MYRIP: variants seen among roughly 807,000 people sequenced by gnomAD.
MYRIP encodes myosin VIIA and Rab interacting protein.
A neutral mutation model predicts 98.0 loss-of-function variants in MYRIP; 49 were observed. That is an observed-to-expected ratio of 0.50 (90% CI 0.40 to 0.63). The LOEUF (loss-of-function observed/expected upper bound fraction) is 0.63, where lower values mean the gene tolerates loss of function less well. Ranked by LOEUF, MYRIP falls within the 30% of genes least tolerant of loss-of-function variation. MYRIP has a pLI of 0.00. For missense variants in MYRIP, 1,004 were observed against 1,058.2 expected (o/e 0.95, Z 0.71); for synonymous variants, 404 against 409.5 (o/e 0.99, Z 0.16).
chr3:40,102,188 C>T (rs1029703844), intron 3 of MYRIP, among the ~76,000 whole-genome samples: 1 of 152,190 alleles, frequency 6.6e-6, no homozygotes, highest in Non-Finnish European at 1.5e-5. Context: ...CAGAGTCCCT[C>T]TATGCTAACC....
intron 10 of MYRIP, 112 bp from the exon 11 acceptor site, chr3:40,209,742 A>T (rs955751879): frequency 2.1e-6 from 3 of 1,400,658 alleles, no homozygotes; most frequent in Non-Finnish European, 2.9e-6. Context: ...GAAAGCTGTT[A>T]CTTTCCTAGA....
At chr3:40,119,739 AG>A (rs199905531) in intron 3 of MYRIP, among the ~76,000 whole-genome samples, 3,880 of 152,058 alleles carry the variant, frequency 0.026, 174 homozygotes, top group African/African-American at 0.086. Context: ...GGACACAGGA[AG>A]GGGAACATCA....
At chr3:39,988,164 G>A (rs149913783) in intron 2 of MYRIP, among the ~76,000 whole-genome samples, 184 of 152,174 alleles carry the variant, frequency 1.2e-3, no homozygotes, top group Non-Finnish European at 2.1e-3. Flanking sequence ...CTGTTGTGGG[G>A]TGGGGGAAGG....
intron 3 of MYRIP, among the ~76,000 whole-genome samples, chr3:40,118,092 A>G (rs527786485): frequency 6.6e-6 from 1 of 152,254 alleles, no homozygotes; most frequent in Non-Finnish European, 1.5e-5. Flanking sequence ...AATGCAACAC[A>G]AATGGCTCTT....
chr3:40,170,115 G>A (rs761973506), intron 8 of MYRIP, 22 bp downstream of exon 8: 7 of 1,613,050 alleles, frequency 4.3e-6, no homozygotes, highest in East Asian at 2.2e-5. Context: ...AGCAGTGCTG[G>A]TCTACCCTCC....
intron 3 of MYRIP, among the ~76,000 whole-genome samples, chr3:40,143,274 A>C (rs1329460840): frequency 6.6e-6 from 1 of 152,196 alleles, no homozygotes; most frequent in Non-Finnish European, 1.5e-5. Context: ...CCTGTCCTCT[A>C]TTTCAGCAGG....
intron 1 of MYRIP, among the ~76,000 whole-genome samples, 187 bp downstream of exon 1, chr3:39,810,103 G>A (rs1299419586): frequency 9.9e-5 from 15 of 152,218 alleles, no homozygotes; most frequent in Non-Finnish European, 2.1e-4. Context: ...GAGGGGCGAG[G>A]GGCGCGGGTA....
At chr3:40,245,913 A>ATTTTTTT (rs55637614) in intron 13 of MYRIP, among the ~76,000 whole-genome samples, 3 of 115,634 alleles carry the variant, frequency 2.6e-5, no homozygotes, top group African/African-American at 3.5e-5. Flanking sequence ...CACCCAGCTA[A>ATTTTTTT]TTTTTTTTTT....
chr3:40,078,014 C>T (rs1188126765), intron 3 of MYRIP, among the ~76,000 whole-genome samples: 1 of 152,240 alleles, frequency 6.6e-6, no homozygotes, highest in Non-Finnish European at 1.5e-5. Context: ...CACACAGGAG[C>T]CCATGGAGAG....
chr3:40,166,758 C>A (rs1328674597), intron 5 of MYRIP, 88 bp from the exon 6 acceptor site: 2 of 901,502 alleles, frequency 2.2e-6, no homozygotes, highest in South Asian at 1.5e-5. Flanking sequence ...ATCCCAGAGC[C>A]CCTGAAGAAT....
chr3:40,232,255 C>T (rs1952684034), intron 11 of MYRIP, among the ~76,000 whole-genome samples: 2 of 152,142 alleles, frequency 1.3e-5, no homozygotes, highest in South Asian at 4.1e-4. Flanking sequence ...AAGGAGGAGC[C>T]CTCTGGCACA....
chr3:40,011,807 T>A (rs1341715850), intron 2 of MYRIP, among the ~76,000 whole-genome samples: 1 of 152,110 alleles, frequency 6.6e-6, no homozygotes, highest in Admixed American at 6.5e-5. Context: ...AATAAGTAAA[T>A]ACACAAAATG....
intron 2 of MYRIP, among the ~76,000 whole-genome samples, chr3:39,949,124 A>G (rs776758828): frequency 9.9e-5 from 15 of 152,166 alleles, no homozygotes; most frequent in Non-Finnish European, 1.5e-4. Context: ...AAATACTGAA[A>G]GAGATCCAGG....
chr3:40,138,166 A>G (rs1233309433), intron 3 of MYRIP, among the ~76,000 whole-genome samples: 2 of 152,198 alleles, frequency 1.3e-5, no homozygotes, highest in Non-Finnish European at 2.9e-5. Flanking sequence ...ATTGCGGCAC[A>G]TATCCCCTCC....
chr3:39,920,037 T>G (rs1944273147), intron 2 of MYRIP, among the ~76,000 whole-genome samples: 1 of 152,134 alleles, frequency 6.6e-6, no homozygotes, highest in African/African-American at 2.4e-5. Flanking sequence ...TGGAGAGTTA[T>G]GAGGATTAAA....
intron 2 of MYRIP, among the ~76,000 whole-genome samples, chr3:39,904,946 G>A (rs1462917939): frequency 6.6e-6 from 1 of 152,124 alleles, no homozygotes; most frequent in African/African-American, 2.4e-5. Flanking sequence ...ATAGTAGACA[G>A]GCAATACCAG....
At chr3:39,946,332 A>C (rs1944900844) in intron 2 of MYRIP, among the ~76,000 whole-genome samples, 1 of 152,132 alleles carries the variant, frequency 6.6e-6, no homozygotes, top group Non-Finnish European at 1.5e-5. Context: ...CTGAGGTTCT[A>C]CCCTATCCAA....
chr3:40,234,992 C>CAA (rs34515561), intron 12 of MYRIP, among the ~76,000 whole-genome samples: 1,835 of 111,496 alleles, frequency 0.016, 29 homozygotes, highest in African/African-American at 0.053. Flanking sequence ...GACCCTGTCT[C>CAA]AAAAAAAAAA....
intron 10 of MYRIP, among the ~76,000 whole-genome samples, chr3:40,199,246 C>T (rs1951485836): frequency 6.6e-6 from 1 of 152,156 alleles, no homozygotes; most frequent in African/African-American, 2.4e-5. Context: ...AAACTACTCC[C>T]ATGGATTCAC....
Sources: allele counts gnomAD v4.1 joint callset (sites outside exome capture counted in the v4.1 genomes callset), GRCh38; gene constraint gnomAD v4.1.1; transcripts MANE v1.5; gene names NCBI Gene and HGNC (gene_info 2026-07-23, HGNC 2026-07-21).